DOCK1: variants seen among roughly 807,000 people sequenced by gnomAD.
DOCK1 encodes dedicator of cytokinesis 1, also known as dedicator of cytokinesis protein 1.
DOCK1 carries 138 observed loss-of-function variants against 262.7 expected under a neutral mutation model. The observed-to-expected ratio is 0.53, with a 90% confidence interval of 0.46 to 0.61. The LOEUF (loss-of-function observed/expected upper bound fraction) is 0.61. Among genes scored for constraint, DOCK1 ranks in the 20% least tolerant of loss-of-function variants. The pLI is 0.00. For synonymous variants in DOCK1, 866 were observed against 867.4 expected (o/e 1.00, Z 0.03); for missense variants, 1,908 against 2,370.7 (o/e 0.80, Z 4.05).
At chr10:127,142,378 TGGTGCTGCTGCCCTCCTGCTGGAGGG>T (rs1215740581) in intron 27 of DOCK1, among the ~76,000 whole-genome samples, 2 of 152,098 alleles carry the variant, frequency 1.3e-5, no homozygotes, top group Admixed American at 1.3e-4. Context: ...AGGCTGCAGG[TGGTGCTGCTGCCCTCCTGCTGGAGGG>T]ATCTGGTGTT....
At chr10:126,911,075 G>T (rs2134012457) in intron 1 of DOCK1, among the ~76,000 whole-genome samples, 1 of 152,308 alleles carries the variant, frequency 6.6e-6, no homozygotes. Flanking sequence ...GAGTGCAGAG[G>T]CTGAGTCGTC....
chr10:127,398,925 C>T (rs1565060096), intron 38 of DOCK1, among the ~76,000 whole-genome samples: 1 of 152,320 alleles, frequency 6.6e-6, no homozygotes, highest in East Asian at 1.9e-4. Context: ...GTGTTCTCTA[C>T]AGCTGCTTCT....
At chr10:127,086,004 T>C (rs938849473) in intron 23 of DOCK1, among the ~76,000 whole-genome samples, 1 of 152,194 alleles carries the variant, frequency 6.6e-6, no homozygotes, top group African/African-American at 2.4e-5. Context: ...ATACTTGCTT[T>C]CATTCAACAA....
At chr10:127,420,750 A>G (rs11018003) in intron 46 of DOCK1, among the ~76,000 whole-genome samples, 5,352 of 151,610 alleles carry the variant, frequency 0.035, 157 homozygotes, top group East Asian at 0.16. Flanking sequence ...GAGGCAGGAG[A>G]ATCGCTTGAA....
At chr10:126,953,689 G>C (rs2036515332) in intron 1 of DOCK1, among the ~76,000 whole-genome samples, 1 of 152,012 alleles carries the variant, frequency 6.6e-6, no homozygotes. Flanking sequence ...CCTCATTTGT[G>C]GTTGAGATTT....
chr10:126,961,391 C>G (rs2037206586), intron 1 of DOCK1, among the ~76,000 whole-genome samples: 1 of 152,126 alleles, frequency 6.6e-6, no homozygotes, highest in Non-Finnish European at 1.5e-5. Context: ...AGTTGGAGAC[C>G]AGCCTGGCCA....
At chr10:126,998,450 C>T (rs759180158) in intron 8 of DOCK1, 23 of 565,996 alleles carry the variant, frequency 4.1e-5, no homozygotes, top group Admixed American at 6.1e-5. Flanking sequence ...AACCTTCTTG[C>T]GTGTAGATTG....
At chr10:127,220,139 A>T (rs1564912782) in intron 27 of DOCK1, among the ~76,000 whole-genome samples, 1 of 152,072 alleles carries the variant, frequency 6.6e-6, no homozygotes, top group East Asian at 1.9e-4. Flanking sequence ...CCACTTTTGC[A>T]TCCTAGATTG....
chr10:127,175,178 C>T lies in DOCK1; in HGVS notation c.2847+47414C>T. 1 of 1,554,990 alleles carries T rather than the reference C, an allele frequency of 6.4e-7. No individual in the cohort carries two copies. The highest frequency in any genetic ancestry group is 8.8e-7 in the Non-Finnish European group (1 of 1,138,910). On this transcript the variant is annotated intron_variant, in intron 27 of 51. Coordinates refer to ENST00000623213, the MANE Select transcript of DOCK1 (RefSeq NM_001290223.2). The surrounding 1 kb of genome is among the most constrained non-coding windows in gnomAD (Gnocchi z 6.3). ...GATGGACTCTGTGGTGATCAGCCTG[C>T]ATAGCTTCCTAAGACATGGGTGAAC... is the stretch of plus-strand genomic sequence containing the variant.
chr10:127,433,621 T>C (rs911721039), intron 48 of DOCK1, among the ~76,000 whole-genome samples, 193 bp downstream of exon 48: 1 of 152,100 alleles, frequency 6.6e-6, no homozygotes, highest in Non-Finnish European at 1.5e-5. Context: ...TGTGAGTTGT[T>C]GAGAAAAACA....
In DOCK1 at chr10:127,024,803, T is replaced by TA. The variant is rs536619901; in HGVS notation, c.1551+20_1551+21insA. 7.4e-5 allele frequency: 116 copies of TA among 1,569,098 alleles called. 2 individuals carry two copies. The South Asian group carries it at 1.3e-3, about 17-fold the overall frequency. On this transcript the variant is annotated intron_variant, in intron 15 of 51. Transcript: ENST00000623213. ...GTTAAGGTATTATTTACATGGTCAT[T>TA]TTATCACATGGCGCTGATTATGAAA...
chr10:127,241,003 A>C (rs1452500453), intron 27 of DOCK1, among the ~76,000 whole-genome samples: 3 of 152,214 alleles, frequency 2.0e-5, no homozygotes, highest in African/African-American at 7.2e-5. Flanking sequence ...TCATGAATAT[A>C]ATCTCATATC....
At chr10:127,242,650 G>T (rs568638863) in intron 27 of DOCK1, among the ~76,000 whole-genome samples, 10 of 151,858 alleles carry the variant, frequency 6.6e-5, no homozygotes, top group South Asian at 6.2e-4. Flanking sequence ...TGTTTTTTTT[G>T]TTGTTGTTGT....
chr10:127,288,458 G>C (rs1170406352), intron 29 of DOCK1, among the ~76,000 whole-genome samples: 1 of 152,082 alleles, frequency 6.6e-6, no homozygotes, highest in Non-Finnish European at 1.5e-5. Flanking sequence ...AGTGGGCAGA[G>C]CTAGGAAATA....
chr10:127,048,413 ATT>A (rs576369638), intron 21 of DOCK1, among the ~76,000 whole-genome samples: 1 of 150,936 alleles, frequency 6.6e-6, no homozygotes, highest in African/African-American at 2.4e-5. Flanking sequence ...AAATATATGT[ATT>A]TTTTTTTGTC....
chr10:127,039,054 A>G (rs1352013110), intron 19 of DOCK1, among the ~76,000 whole-genome samples: 5 of 152,186 alleles, frequency 3.3e-5, no homozygotes, highest in African/African-American at 1.2e-4. Context: ...TATCTCTGTA[A>G]AAACTAATTA....
intron 1 of DOCK1, among the ~76,000 whole-genome samples, chr10:126,915,657 T>G (rs1591300134): frequency 6.6e-6 from 1 of 152,194 alleles, no homozygotes; most frequent in African/African-American, 2.4e-5. Flanking sequence ...TTCACTGTGT[T>G]AGCCAGGATG....
intron 1 of DOCK1, among the ~76,000 whole-genome samples, chr10:126,906,344 T>C (rs1212392529): frequency 6.6e-6 from 1 of 152,110 alleles, no homozygotes; most frequent in African/African-American, 2.4e-5. Flanking sequence ...GACGGGCCCG[T>C]CCGCGTGGGA....
intron 28 of DOCK1, among the ~76,000 whole-genome samples, chr10:127,250,820 A>AAAAAAAAG (rs1564934987): frequency 7.5e-6 from 1 of 133,100 alleles, no homozygotes; most frequent in African/African-American, 2.7e-5. Flanking sequence ...AAAAAAAAAA[A>AAAAAAAAG]AATGACGTTT....
Sources: gnomAD v4.1 joint callset for allele counts (sites outside exome capture counted in the v4.1 genomes callset) on GRCh38, gnomAD v4.1.1 for gene constraint, Gnocchi (gnomAD v3.1) non-coding constraint, MANE v1.5 for transcripts, NCBI Gene and HGNC (gene_info 2026-07-23, HGNC 2026-07-21) for gene names.